The following LDLRAD4 variants were observed in gnomAD, a reference collection of about 807,000 sequenced individuals.
LDLRAD4 encodes the protein low density lipoprotein receptor class A domain containing 4.
Under a neutral mutation model 17.0 loss-of-function variants are expected in LDLRAD4, and 5 were observed. That is an observed-to-expected ratio of 0.29 (90% confidence interval 0.15 to 0.62). The LOEUF (loss-of-function observed/expected upper bound fraction) is 0.62, where lower values mean the gene tolerates loss of function less well. Among genes scored for constraint, LDLRAD4 ranks in the 20% least tolerant of loss-of-function variants. LDLRAD4 has a pLI of 0.84. For missense variants in LDLRAD4, 340 were observed against 424.7 expected (o/e 0.80, Z 1.75); for synonymous variants, 168 against 171.8 (o/e 0.98, Z 0.17).
intron 1 of LDLRAD4, among the ~76,000 whole-genome samples, chr18:13,272,930 A>G (rs991285548): frequency 7.9e-5 from 12 of 152,176 alleles, no homozygotes; most frequent in African/African-American, 1.2e-4. Context: ...GCTTCAATTT[A>G]CTCAGAATAA....
intron 3 of LDLRAD4, among the ~76,000 whole-genome samples, chr18:13,536,452 G>T (rs2094201734): frequency 6.6e-6 from 1 of 152,070 alleles, no homozygotes; most frequent in Non-Finnish European, 1.5e-5. Context: ...GTTGATTTGT[G>T]TACATAAACC....
intron 3 of LDLRAD4, among the ~76,000 whole-genome samples, chr18:13,496,565 C>T (rs905192002): frequency 6.6e-6 from 1 of 152,120 alleles, no homozygotes; most frequent in African/African-American, 2.4e-5. Context: ...TTAAAGTACC[C>T]AGTTAAATTT....
At chr18:13,467,829 A>G (rs1169070810) in intron 3 of LDLRAD4, among the ~76,000 whole-genome samples, 1 of 152,216 alleles carries the variant, frequency 6.6e-6, no homozygotes, top group Non-Finnish European at 1.5e-5. Context: ...GGACATCCAC[A>G]CAGCTATGGC....
At chr18:13,413,795 G>A (rs535945598) in intron 2 of LDLRAD4, among the ~76,000 whole-genome samples, 8 of 152,216 alleles carry the variant, frequency 5.3e-5, no homozygotes, top group African/African-American at 1.9e-4. Flanking sequence ...GCTGGGCGGG[G>A]TGGCACACGC....
chr18:13,254,535 C>T (rs2043400079), intron 1 of LDLRAD4, among the ~76,000 whole-genome samples: 1 of 152,198 alleles, frequency 6.6e-6, no homozygotes, highest in African/African-American at 2.4e-5. Context: ...TGCCAGCGAC[C>T]CTCCATGCTT....
chr18:13,520,949 C>T (rs1187987904), intron 3 of LDLRAD4: 1 of 152,188 alleles, frequency 6.6e-6, no homozygotes, highest in African/African-American at 2.4e-5. Flanking sequence ...AGAATACATC[C>T]CCACCCTCGG....
chr18:13,369,196 T>A (rs1276260257), intron 1 of LDLRAD4, among the ~76,000 whole-genome samples: 1 of 152,238 alleles, frequency 6.6e-6, no homozygotes, highest in African/African-American at 2.4e-5. Context: ...AGCGACCACT[T>A]ACTCACCTTC....
chr18:13,413,610 G>A (rs945350121), intron 2 of LDLRAD4, among the ~76,000 whole-genome samples: 7 of 152,184 alleles, frequency 4.6e-5, no homozygotes, highest in African/African-American at 9.7e-5. Flanking sequence ...AATTGAGTAC[G>A]GAAATTATGT....
intron 4 of LDLRAD4, among the ~76,000 whole-genome samples, chr18:13,636,273 A>G (rs1186964075): frequency 4.6e-5 from 7 of 152,114 alleles, no homozygotes; most frequent in Admixed American, 4.6e-4. Flanking sequence ...CCCATGGACA[A>G]AAAAGGTCGG....
chr18:13,468,205 C>T (rs181424055), intron 3 of LDLRAD4, among the ~76,000 whole-genome samples: 37 of 152,238 alleles, frequency 2.4e-4, no homozygotes, highest in Admixed American at 2.2e-3. Context: ...AAAAAGACAT[C>T]CTACAAAATG....
chr18:13,234,780 TA>T, intron 1 of LDLRAD4, among the ~76,000 whole-genome samples: 1 of 152,338 alleles, frequency 6.6e-6, no homozygotes, highest in Admixed American at 6.5e-5. Context: ...ATTACATTCT[TA>T]TTTTACTGTT....
At chr18:13,529,332 A>G (rs550136341) in intron 3 of LDLRAD4, among the ~76,000 whole-genome samples, 4 of 152,356 alleles carry the variant, frequency 2.6e-5, no homozygotes, top group East Asian at 1.9e-4. Context: ...AGGGAAAGGT[A>G]TTCTCCGAAG....
intron 3 of LDLRAD4, among the ~76,000 whole-genome samples, chr18:13,620,026 A>G (rs1170070040): frequency 6.6e-6 from 1 of 151,902 alleles, no homozygotes; most frequent in Non-Finnish European, 1.5e-5. Flanking sequence ...AGGGTAGGAC[A>G]TGTGGGGATC....
At chr18:13,401,955 A>G (rs1371353306) in intron 2 of LDLRAD4, among the ~76,000 whole-genome samples, 1 of 152,152 alleles carries the variant, frequency 6.6e-6, no homozygotes, top group Non-Finnish European at 1.5e-5. Flanking sequence ...CACAGTTTCC[A>G]ACGGTGGTTC....
intron 1 of LDLRAD4, among the ~76,000 whole-genome samples, chr18:13,307,577 G>A (rs2046987637): frequency 6.6e-6 from 1 of 151,994 alleles, no homozygotes; most frequent in Non-Finnish European, 1.5e-5. Context: ...CACCACTCCT[G>A]ACTAATTTTT....
At chr18:13,509,177 C>T (rs1464515125) in intron 3 of LDLRAD4, among the ~76,000 whole-genome samples, 3 of 152,192 alleles carry the variant, frequency 2.0e-5, no homozygotes, top group Non-Finnish European at 4.4e-5. Context: ...AGCCAGGCAT[C>T]ATGGTGTGCA....
chr18:13,328,324 G>T (rs374737973), intron 1 of LDLRAD4, among the ~76,000 whole-genome samples: 1 of 152,210 alleles, frequency 6.6e-6, no homozygotes, highest in Non-Finnish European at 1.5e-5. Flanking sequence ...ATGAAGCTCA[G>T]TGTGCATGTG....
chr18:13,439,185 C>T (rs1200827844), intron 3 of LDLRAD4, among the ~76,000 whole-genome samples: 1 of 152,026 alleles, frequency 6.6e-6, no homozygotes, highest in Non-Finnish European at 1.5e-5. Flanking sequence ...GTTTTACTGA[C>T]ATTATTTTGA....
At chr18:13,250,476 A>G (rs757736702) in intron 1 of LDLRAD4, among the ~76,000 whole-genome samples, 2 of 152,196 alleles carry the variant, frequency 1.3e-5, no homozygotes, top group Non-Finnish European at 2.9e-5. Flanking sequence ...AACAGTATTA[A>G]CAAACCATTA....
Sources: gnomAD v4.1 joint callset for allele counts (sites outside exome capture counted in the v4.1 genomes callset) on GRCh38, gnomAD v4.1.1 for gene constraint, MANE v1.5 for transcripts, NCBI Gene and HGNC (gene_info 2026-07-23, HGNC 2026-07-21) for gene names.